RAD54L2: variants seen among roughly 807,000 people sequenced by gnomAD.
RAD54L2 encodes the protein helicase ARIP4.
In RAD54L2, 27 loss-of-function variants were observed where a neutral mutation model predicts 138.4. The ratio of observed to expected loss-of-function variants is 0.20; its 90% CI spans 0.14 to 0.27. RAD54L2 has a LOEUF of 0.27. Ranked by LOEUF, RAD54L2 falls within the 10% of genes least tolerant of loss-of-function variation. The pLI, the probability that RAD54L2 is intolerant of heterozygous loss-of-function variation, is 1.00. For missense variants in RAD54L2, 1,396 were observed against 1,890.2 expected (o/e 0.74, Z 4.85); for synonymous variants, 644 against 723.2 (o/e 0.89, Z 1.76).
chr3:51,646,880 G>A (rs1387216248), intron 19 of RAD54L2, among the ~76,000 whole-genome samples: 3 of 152,154 alleles, frequency 2.0e-5, no homozygotes, highest in Non-Finnish European at 2.9e-5. Context: ...AGGGAATCCT[G>A]CTGCTCCTAA....
At chr3:51,622,549 G>A (rs1255449551) in intron 3 of RAD54L2, among the ~76,000 whole-genome samples, 1 of 152,140 alleles carries the variant, frequency 6.6e-6, no homozygotes, top group Non-Finnish European at 1.5e-5. Flanking sequence ...TCTCAGTTGA[G>A]GGCCAAGGAA....
chr3:51,629,869 AT>A (rs1324277005), intron 5 of RAD54L2, among the ~76,000 whole-genome samples: 11 of 152,134 alleles, frequency 7.2e-5, no homozygotes, highest in African/African-American at 2.2e-4. Context: ...TCTCAAAAAA[AT>A]AAAAATAAAA....
At chr3:51,569,876 G>C (rs1293568213) in intron 2 of RAD54L2, among the ~76,000 whole-genome samples, 2 of 151,826 alleles carry the variant, frequency 1.3e-5, no homozygotes, top group Non-Finnish European at 2.9e-5. Flanking sequence ...GTCTCACTCT[G>C]TTGGCTGGAG....
chr3:51,554,102 T>C (rs1018020607), intron 2 of RAD54L2, among the ~76,000 whole-genome samples: 12 of 152,124 alleles, frequency 7.9e-5, no homozygotes, highest in Non-Finnish European at 1.3e-4. Flanking sequence ...TGAAATTTGC[T>C]GCATCGATCA....
At chr3:51,561,358 G>A (rs1377508245) in intron 2 of RAD54L2, among the ~76,000 whole-genome samples, 2 of 152,206 alleles carry the variant, frequency 1.3e-5, no homozygotes, top group Admixed American at 6.5e-5. Flanking sequence ...TGATTCTCCT[G>A]CCTCAGCCTC....
intron 2 of RAD54L2, among the ~76,000 whole-genome samples, chr3:51,574,019 C>T (rs1163954229): frequency 2.2e-5 from 3 of 136,064 alleles, no homozygotes; most frequent in Non-Finnish European, 4.7e-5. Flanking sequence ...CAATAGGCCC[C>T]GGTGTTTGAT....
intron 2 of RAD54L2, among the ~76,000 whole-genome samples, chr3:51,552,245 A>T (rs928326609): frequency 5.9e-5 from 9 of 152,046 alleles, no homozygotes; most frequent in Non-Finnish European, 1.2e-4. Context: ...CTAGCTATCT[A>T]GCTATACTTG....
intron 2 of RAD54L2, among the ~76,000 whole-genome samples, chr3:51,587,103 C>CT (rs960940069): frequency 2.6e-4 from 38 of 146,152 alleles, no homozygotes; most frequent in Non-Finnish European, 3.0e-4. Context: ...TGATTTCTTT[C>CT]TTTTTTTTTT....
chr3:51,650,448 T>C (rs750561338), intron 19 of RAD54L2, among the ~76,000 whole-genome samples: 5 of 152,188 alleles, frequency 3.3e-5, no homozygotes, highest in Non-Finnish European at 7.3e-5. Context: ...AATAGACATC[T>C]ACAGAATTCT....
chr3:51,630,402 AG>A lies in RAD54L2; in HGVS notation c.598+16del. On this transcript the variant is annotated intron_variant, in intron 6 of 22. Transcript: ENST00000684192. ...GCAGTCGAGATGGTAAGATCAAACC[AG>A]GTGCCTCCCTTTCTTCCGACCTGGT... 1.2e-6 allele frequency: 2 copies of A among 1,603,900 alleles called. No homozygotes were observed. The highest frequency in any genetic ancestry group is 2.2e-5 in the East Asian group (1 of 44,834).
At chr3:51,661,772 CCTT>C (rs966510955) in intron 22 of RAD54L2, among the ~76,000 whole-genome samples, 6 of 152,348 alleles carry the variant, frequency 3.9e-5, no homozygotes, top group Admixed American at 2.6e-4. Context: ...TTTTCATAAA[CCTT>C]CTTCTTTCTC....
chr3:51,628,869 C>T (rs1253406259), intron 4 of RAD54L2, among the ~76,000 whole-genome samples: 1 of 152,038 alleles, frequency 6.6e-6, no homozygotes, highest in African/African-American at 2.4e-5. Context: ...GTGTGCACCA[C>T]CACACCTGGC....
chr3:51,590,695 G>A, intron 3 of RAD54L2, 136 bp downstream of exon 3: 1 of 1,196,244 alleles, frequency 8.4e-7, no homozygotes, highest in Non-Finnish European at 1.2e-6. Flanking sequence ...GAACTGAGAT[G>A]CAATGAATTC....
rs1250663535 is a variant in RAD54L2 at position 51,590,549 on chromosome 3, C to G, written c.129C>G (p.Asp43Glu). The G allele has an allele frequency of 6.4e-7, 1 of 1,552,104 alleles. No individual in the cohort carries two copies. Among genetic ancestry groups the G allele is most frequent in the African/African-American group, 1.4e-5 (1 of 72,978 alleles). The change falls in exon 3 of 23, where the codon GAC (aspartate) becomes GAG (glutamate). Residue 43 changes from aspartate to glutamate, a missense_variant. Coordinates refer to ENST00000684192, the MANE Select transcript of RAD54L2 (RefSeq NM_015106.4). ...AGTGTGACAGGGATGATGAAGAAGA[C>G]CTGCTGGATGGTAAGTGGGCTCTAT... ...VEECDRDDEE[D>E]LLDDPSLEGM...
At chr3:51,659,251 G>A (rs1308467294) in intron 21 of RAD54L2, among the ~76,000 whole-genome samples, 3 of 151,570 alleles carry the variant, frequency 2.0e-5, no homozygotes, top group Admixed American at 6.6e-5. Context: ...GACTACAGGC[G>A]CCCACCACCA....
intron 19 of RAD54L2, among the ~76,000 whole-genome samples, chr3:51,650,477 A>G (rs770795446): frequency 2.0e-5 from 3 of 152,226 alleles, no homozygotes; most frequent in Non-Finnish European, 4.4e-5. Flanking sequence ...AATCAATAGA[A>G]TACACATTCT....
At chr3:51,623,120 A>G (rs1256839400) in intron 3 of RAD54L2, among the ~76,000 whole-genome samples, 1 of 152,254 alleles carries the variant, frequency 6.6e-6, no homozygotes, top group Non-Finnish European at 1.5e-5. Context: ...AGCAGGGAGC[A>G]GGAGAGGCAA....
chr3:51,613,765 CAAAAA>C (rs752227890), intron 3 of RAD54L2, among the ~76,000 whole-genome samples: 1 of 56,148 alleles, frequency 1.8e-5, no homozygotes. Context: ...ACTCTGTCTC[CAAAAA>C]AAAAAAAAAA....
At chr3:51,559,514 G>A (rs1699051835) in intron 2 of RAD54L2, among the ~76,000 whole-genome samples, 1 of 152,120 alleles carries the variant, frequency 6.6e-6, no homozygotes, top group African/African-American at 2.4e-5. Context: ...ACTTGATTAT[G>A]GATGGGTCTT....
Sources: allele counts gnomAD v4.1 joint callset (sites outside exome capture counted in the v4.1 genomes callset), GRCh38; gene constraint gnomAD v4.1.1; transcripts MANE v1.5; gene names NCBI Gene and HGNC (gene_info 2026-07-23, HGNC 2026-07-21).